Variants in RANBP3 observed in about 807,000 individuals in gnomAD.
RANBP3 encodes ran-binding protein 3.
RANBP3 carries 14 observed loss-of-function variants against 77.3 expected under a neutral mutation model. That is an observed-to-expected ratio of 0.18 (90% confidence interval 0.12 to 0.28). RANBP3 has a LOEUF of 0.28. Ranked by LOEUF, RANBP3 falls within the 10% of genes least tolerant of loss-of-function variation. The pLI, the probability that RANBP3 is intolerant of heterozygous loss-of-function variation, is 1.00. For synonymous variants in RANBP3, 315 were observed against 312.4 expected (o/e 1.01, Z -0.09); for missense variants, 586 against 752.3 (o/e 0.78, Z 2.59).
In RANBP3 at chr19:5,944,876, C is replaced by T. The variant is rs566182358; in HGVS notation, c.283-3041G>A. On this transcript the variant is annotated intron_variant, in intron 3 of 16. Transcript: ENST00000340578. Reference sequence around the variant, plus strand: ...AATCCAACGAGCCTTTCAACTGTACCAAAACCCTTACACGGTGTCCTCCCT... The same window carrying T: ...AATCCAACGAGCCTTTCAACTGTACTAAAACCCTTACACGGTGTCCTCCCT... Among the ~76,000 whole-genome samples the T allele has an allele frequency of 3.9e-5, 6 of 152,260 alleles. No homozygotes were observed. In the East Asian group the frequency reaches 1.2e-3, roughly 29 times the overall value.
intron 1 of RANBP3, among the ~76,000 whole-genome samples, chr19:5,962,126 C>T (rs2058411326): frequency 6.6e-6 from 1 of 152,148 alleles, no homozygotes; most frequent in Non-Finnish European, 1.5e-5. Flanking sequence ...CCAGCGTACA[C>T]CGCATCAACA....
intron 10 of RANBP3, chr19:5,925,300 G>C (rs918551672): frequency 8.2e-6 from 4 of 486,736 alleles, no homozygotes; most frequent in Non-Finnish European, 1.5e-5. Context: ...GGGGGCGCCT[G>C]AGTCGCCTCT....
intron 1 of RANBP3, among the ~76,000 whole-genome samples, chr19:5,960,020 G>A (rs958489578): frequency 6.6e-6 from 1 of 152,128 alleles, no homozygotes; most frequent in East Asian, 1.9e-4. Context: ...ACATGAACAA[G>A]GCCAGGCCTT....
Position 5,923,331 on chromosome 19 carries a change from A to G in RANBP3, c.1100-28T>C, listed in dbSNP as rs374424534. 8 of 1,599,404 alleles carry G rather than the reference A, an allele frequency of 5.0e-6. No homozygotes were observed. The African/African-American group carries it at 6.7e-5, about 13-fold the overall frequency. On this transcript the variant is annotated intron_variant, in intron 12 of 16. Coordinates refer to ENST00000340578, the MANE Select transcript of RANBP3 (RefSeq NM_007322.3). ...GAAAAGTTATTGGCCAAAAAGACTGACTGATTATTTGGCGAGAGGAGAGCC... is the reference window on the plus strand; with the variant it reads ...GAAAAGTTATTGGCCAAAAAGACTGGCTGATTATTTGGCGAGAGGAGAGCC...
chr19:5,955,421 A>C (rs770542342), intron 2 of RANBP3, among the ~76,000 whole-genome samples: 4 of 152,166 alleles, frequency 2.6e-5, no homozygotes, highest in Non-Finnish European at 4.4e-5. Flanking sequence ...ATTTTTAAAA[A>C]TGCCTTCCTG....
rs2057743347 is a variant in RANBP3 at position 5,916,736 on chromosome 19, ACG to A, written c.*872_*873del. Reference sequence around the variant, plus strand: ...GCCTGGTGCCTGATGATGGTGAACCACGTGACAGATGGAGACGGGAGTCAGGG... The same window carrying A: ...GCCTGGTGCCTGATGATGGTGAACCATGACAGATGGAGACGGGAGTCAGGG... On this transcript the variant is annotated 3_prime_UTR_variant, in exon 17 of 17. Coordinates refer to ENST00000340578, the MANE Select transcript of RANBP3 (RefSeq NM_007322.3). 1 of 152,586 alleles carries A rather than the reference ACG, an allele frequency of 6.6e-6. No homozygotes were observed. Among genetic ancestry groups the A allele is most frequent in the Admixed American group, 6.5e-5 (1 of 15,294 alleles). The allele number at this position is 152,586 out of a possible 1,614,324, so 9.5% of individuals were successfully genotyped here. A position where few individuals can be genotyped will look rare whatever the true frequency, so the allele number is the denominator to read the frequency against.
chr19:5,935,940 C>G, intron 5 of RANBP3: 1 of 390,860 alleles, frequency 2.6e-6, no homozygotes, highest in Non-Finnish European at 5.3e-6. Context: ...CTGCACCAGT[C>G]TCTGAGGGAT....
At chr19:5,946,416 A>C (rs2145162043) in intron 3 of RANBP3, among the ~76,000 whole-genome samples, 1 of 152,272 alleles carries the variant, frequency 6.6e-6, no homozygotes, top group African/African-American at 2.4e-5. Flanking sequence ...GAGACCCTCA[A>C]ATCCGTGCCC....
intron 1 of RANBP3, among the ~76,000 whole-genome samples, chr19:5,972,098 T>C (rs923562991): frequency 1.3e-5 from 2 of 152,276 alleles, no homozygotes; most frequent in African/African-American, 4.8e-5. Context: ...ATTAAATATG[T>C]CTGCTTGCCC....
chr19:5,920,485 A>C (rs546219924), intron 14 of RANBP3, among the ~76,000 whole-genome samples: 1 of 152,190 alleles, frequency 6.6e-6, no homozygotes, highest in African/African-American at 2.4e-5. Flanking sequence ...CTAAATGTCC[A>C]CCAATAGGGA....
At chr19:5,925,192 AC>A (rs2057887126) in intron 10 of RANBP3, 1 of 506,102 alleles carries the variant, frequency 2.0e-6, no homozygotes, top group Non-Finnish European at 3.6e-6. Flanking sequence ...CTTCTGAGAC[AC>A]CTGGAGGGGC....
chr19:5,964,872 TG>T (rs2058447928), intron 1 of RANBP3, among the ~76,000 whole-genome samples: 1 of 29,510 alleles, frequency 3.4e-5, no homozygotes, highest in South Asian at 1.3e-3. Context: ...GGTGGCACGG[TG>T]GGGGGTCACC....
At chr19:5,965,332 TGAAAGGAGGAGGGC>T (rs2058454588) in intron 1 of RANBP3, among the ~76,000 whole-genome samples, 1 of 151,458 alleles carries the variant, frequency 6.6e-6, no homozygotes, top group African/African-American at 2.4e-5. Flanking sequence ...GTAAGGAGGG[TGAAAGGAGGAGGGC>T]GGTTTCAACA....
intron 3 of RANBP3, 140 bp from the exon 4 acceptor site, chr19:5,941,975 A>G: frequency 1.1e-6 from 1 of 919,254 alleles, no homozygotes; most frequent in Non-Finnish European, 1.7e-6. Flanking sequence ...GAGAGCCAGG[A>G]TTTTAGCCTA....
At chr19:5,932,306 G>C (rs1378188627) in intron 7 of RANBP3, 146 bp downstream of exon 7, 4 of 676,614 alleles carry the variant, frequency 5.9e-6, no homozygotes. Flanking sequence ...GCTGGGGGGT[G>C]ATTTAAAGGA....
At chr19:5,945,948 C>T (rs1489770685) in intron 3 of RANBP3, among the ~76,000 whole-genome samples, 1 of 152,026 alleles carries the variant, frequency 6.6e-6, no homozygotes, top group Admixed American at 6.6e-5. Flanking sequence ...GCTCTAGCCC[C>T]CCGAGAACGT....
At position 5,958,469 on chromosome 19, in the gene RANBP3, T is replaced by C. The variant is rs2058361970; in HGVS notation, c.23-496A>G. ...CGCTCAACCTGGATCTCTAAGTGAGTGCTGGTTGGGAGGAAAGGATGTCTG... is the reference window on the plus strand; with the variant it reads ...CGCTCAACCTGGATCTCTAAGTGAGCGCTGGTTGGGAGGAAAGGATGTCTG... On this transcript the variant is annotated intron_variant, in intron 1 of 16. Transcript: ENST00000340578. The surrounding 1 kb of genome is among the most constrained non-coding windows in gnomAD (Gnocchi z 4.4). 6.6e-6 allele frequency among the ~76,000 whole-genome samples: 1 copy of C among 152,198 alleles called. No individual in the cohort carries two copies.
At chr19:5,962,113 C>T (rs1227442269) in intron 1 of RANBP3, among the ~76,000 whole-genome samples, 2 of 152,028 alleles carry the variant, frequency 1.3e-5, no homozygotes, top group Admixed American at 6.5e-5. Context: ...AACAGCCTAT[C>T]ACCCAGCGTA....
chr19:5,969,116 G>C (rs375356496), intron 1 of RANBP3, among the ~76,000 whole-genome samples: 23 of 152,294 alleles, frequency 1.5e-4, no homozygotes, highest in African/African-American at 5.1e-4. Flanking sequence ...TGGAGGGGAG[G>C]AGAACGGGAA....
Sources: gnomAD v4.1 joint callset for allele counts (sites outside exome capture counted in the v4.1 genomes callset) on GRCh38, gnomAD v4.1.1 for gene constraint, Gnocchi (gnomAD v3.1) non-coding constraint, MANE v1.5 for transcripts, NCBI Gene and HGNC (gene_info 2026-07-23, HGNC 2026-07-21) for gene names.